MALRD1: variants seen among roughly 807,000 people sequenced by gnomAD.
MALRD1 encodes the protein MAM and LDL-receptor class A domain-containing protein 1.
MALRD1 carries 247 observed loss-of-function variants against 242.1 expected under a neutral mutation model. The observed-to-expected ratio is 1.02, with a 90% CI of 0.92 to 1.13. MALRD1 has a LOEUF of 1.13. Ranked by LOEUF, MALRD1 falls within the 50% of genes most tolerant of loss-of-function variation. The pLI is 0.00. For missense variants in MALRD1, 2,989 were observed against 2,533.1 expected (o/e 1.18, Z -3.86); for synonymous variants, 995 against 866.6 (o/e 1.15, Z -2.60).
intron 14 of MALRD1, among the ~76,000 whole-genome samples, chr10:19,200,653 T>G (rs74118856): frequency 1.6e-4 from 15 of 93,354 alleles, no homozygotes; most frequent in African/African-American, 4.0e-4. Context: ...AGGTTTTTTT[T>G]TTTTTTTTTT....
chr10:19,211,417 C>T (rs534439738), intron 18 of MALRD1, among the ~76,000 whole-genome samples: 60 of 151,870 alleles, frequency 4.0e-4, no homozygotes, highest in African/African-American at 1.4e-3. Flanking sequence ...AAAATGGGGC[C>T]TGAAAGGGGG....
intron 29 of MALRD1, among the ~76,000 whole-genome samples, chr10:19,475,019 T>G (rs1298331041): frequency 6.6e-6 from 1 of 152,232 alleles, no homozygotes; most frequent in African/African-American, 2.4e-5. Context: ...TCCCTATTTA[T>G]CACATGAGAA....
chr10:19,361,943 A>AT lies in MALRD1; in HGVS notation c.4441+9653dup, dbSNP rs548039600. Among the ~76,000 whole-genome samples, 340 of 152,098 alleles carry AT rather than the reference A, an allele frequency of 2.2e-3. 2 individuals carry two copies. Among genetic ancestry groups the AT allele is most frequent in the African/African-American group, 7.6e-3 (317 of 41,492 alleles). On this transcript the variant is annotated intron_variant, in intron 26 of 39. Transcript: ENST00000454679. ...TGACATTCTGATTCTAAAGATTCAAATTTTTTTCCCAAGAAAGTGCCCCAA... is the reference window on the plus strand; with the variant it reads ...TGACATTCTGATTCTAAAGATTCAAATTTTTTTTCCCAAGAAAGTGCCCCAA...
intron 2 of MALRD1, among the ~76,000 whole-genome samples, chr10:19,080,716 T>A (rs1199767641): frequency 6.6e-6 from 1 of 151,844 alleles, no homozygotes; most frequent in African/African-American, 2.4e-5. Flanking sequence ...AAGCAGAGAT[T>A]TCATGATGAA....
chr10:19,255,104 C>T (rs1839449321), intron 18 of MALRD1, among the ~76,000 whole-genome samples: 1 of 151,942 alleles, frequency 6.6e-6, no homozygotes, highest in Non-Finnish European at 1.5e-5. Context: ...GCAGCCCATG[C>T]AAAGAACAGC....
intron 22 of MALRD1, among the ~76,000 whole-genome samples, 198 bp from the exon 23 acceptor site, chr10:19,327,365 A>G (rs1303197274): frequency 6.6e-6 from 1 of 152,094 alleles, no homozygotes; most frequent in African/African-American, 2.4e-5. Flanking sequence ...TCTTTATTGT[A>G]GAAAGCTTGT....
At chr10:19,361,049 A>G (rs1021549713) in intron 26 of MALRD1, among the ~76,000 whole-genome samples, 1 of 151,770 alleles carries the variant, frequency 6.6e-6, no homozygotes, top group Non-Finnish European at 1.5e-5. Flanking sequence ...GAGGTGTGGT[A>G]GTCTGCTATT....
At chr10:19,341,921 G>T (rs1843899563) in intron 24 of MALRD1, among the ~76,000 whole-genome samples, 1 of 151,952 alleles carries the variant, frequency 6.6e-6, no homozygotes, top group African/African-American at 2.4e-5. Context: ...CCCTCAGGAT[G>T]TTTTTATTTA....
intron 32 of MALRD1, among the ~76,000 whole-genome samples, chr10:19,547,762 C>T (rs1198949237): frequency 9.5e-6 from 1 of 104,966 alleles, no homozygotes; most frequent in Non-Finnish European, 1.8e-5. Flanking sequence ...TATTGTACTC[C>T]ATTTTACTGA....
At chr10:19,282,844 C>T (rs944179870) in intron 20 of MALRD1, among the ~76,000 whole-genome samples, 175 bp from the exon 21 acceptor site, 1 of 152,006 alleles carries the variant, frequency 6.6e-6, no homozygotes, top group Admixed American at 6.6e-5. Flanking sequence ...TAGAATAAAC[C>T]TAGATTTCTT....
chr10:19,056,476 T>C lies in MALRD1; in HGVS notation c.199+7339T>C, dbSNP rs191276910. ...ATTGTAAATGGGATAGTTTTCTAAA[T>C]TTTTTTGGATGGTTTCTTATTAGTA... On this transcript the variant is annotated intron_variant, in intron 1 of 39. Transcript: ENST00000454679. Among the ~76,000 whole-genome samples, 18 of 152,216 alleles carry C rather than the reference T, an allele frequency of 1.2e-4. 1 individual carries two copies. The East Asian group carries it at 3.5e-3, about 29-fold the overall frequency.
In MALRD1 at chr10:19,209,684, T is replaced by C; in HGVS notation, c.2991+4T>C. On this transcript the variant is annotated splice_donor_region_variant and intron_variant, in intron 18 of 39. Transcript: ENST00000454679. ...TTCCAGCAGGCAGCCCTTTCAGGTA[T>C]GGATAATAGATTTTATAATGTACAT... is the stretch of plus-strand genomic sequence containing the variant. 1 of 1,533,724 alleles carries C rather than the reference T, an allele frequency of 6.5e-7. No individual in the cohort carries two copies. Among genetic ancestry groups the C allele is most frequent in the East Asian group, 2.5e-5 (1 of 40,798 alleles).
At chr10:19,395,352 A>G (rs971468364) in intron 28 of MALRD1, among the ~76,000 whole-genome samples, 6 of 152,324 alleles carry the variant, frequency 3.9e-5, no homozygotes, top group African/African-American at 1.4e-4. Context: ...ATCAATCAAC[A>G]TATGTAAGAT....
rs1836932574 is a variant in MALRD1 at position 19,209,297 on chromosome 10, G to GTAACT, written c.2608_2609insTAACT (p.Gly870ValfsTer32). On this transcript the variant is annotated frameshift_variant, in exon 18 of 40. Coordinates refer to ENST00000454679, the MANE Select transcript of MALRD1 (RefSeq NM_001142308.3). LOFTEE classifies it high-confidence loss of function. ...TGAGCTGCAGTGTAACTTTGAAACT[G>GTAACT]GAATCTGTAACTGGGAACAAGATGC... 1 of 1,543,348 alleles carries GTAACT rather than the reference G, an allele frequency of 6.5e-7. No individual in the cohort carries two copies. The highest frequency in any genetic ancestry group is 2.0e-5 in the Admixed American group (1 of 49,584).
At chr10:19,699,087 T>C (rs1564551002) in intron 38 of MALRD1, among the ~76,000 whole-genome samples, 3 of 152,064 alleles carry the variant, frequency 2.0e-5, no homozygotes, top group Admixed American at 6.6e-5. Context: ...AAATACCTAA[T>C]GCCTGCAAGG....
Position 19,579,951 on chromosome 10 carries a change from C to T in MALRD1, c.5680+12248C>T, listed in dbSNP as rs557985550. Among the ~76,000 whole-genome samples the T allele has an allele frequency of 2.0e-5, 3 of 152,284 alleles. No homozygotes were observed. The South Asian group carries it at 6.2e-4, about 32-fold the overall frequency. On this transcript the variant is annotated intron_variant, in intron 33 of 39. Coordinates refer to ENST00000454679, the MANE Select transcript of MALRD1 (RefSeq NM_001142308.3). ...ATGAGCTAGAGCTATCAGTGAGCAA[C>T]AGCGTTAAATTAGGCCAAGTACACA...
chr10:19,167,219 C>G (rs1463494616), intron 13 of MALRD1, among the ~76,000 whole-genome samples: 3 of 151,944 alleles, frequency 2.0e-5, no homozygotes, highest in African/African-American at 7.3e-5. Flanking sequence ...ATTAGCCGGG[C>G]ATGGTGGCAC....
chr10:19,534,034 T>C (rs113052106), intron 32 of MALRD1, among the ~76,000 whole-genome samples: 119 of 152,262 alleles, frequency 7.8e-4, no homozygotes, highest in African/African-American at 2.3e-3. Context: ...GGAGAGAGAT[T>C]GTTTGACAAA....
intron 13 of MALRD1, among the ~76,000 whole-genome samples, chr10:19,171,426 A>G (rs1344428006): frequency 8.1e-5 from 1 of 12,344 alleles, no homozygotes; most frequent in Non-Finnish European, 2.2e-4. Flanking sequence ...TATATTTTAT[A>G]TACATATATA....
Sources: gnomAD v4.1 joint callset for allele counts (sites outside exome capture counted in the v4.1 genomes callset) on GRCh38, gnomAD v4.1.1 for gene constraint, MANE v1.5 for transcripts, NCBI Gene and HGNC (gene_info 2026-07-23, HGNC 2026-07-21) for gene names.